Variants in APOOL observed in about 807,000 individuals in gnomAD.
APOOL encodes the protein MICOS complex subunit MIC27.
APOOL carries 12 observed loss-of-function variants against 23.1 expected under a neutral mutation model. That is an observed-to-expected ratio of 0.52 (90% CI 0.33 to 0.84). APOOL has a LOEUF of 0.84. Ranked by LOEUF, APOOL falls within the 40% of genes least tolerant of loss-of-function variation. APOOL has a pLI of 0.02. For missense variants in APOOL, 212 were observed against 199.6 expected, an observed-to-expected ratio of 1.06 and a Z score of -0.37; for synonymous variants, 77 against 69.9, an observed-to-expected ratio of 1.10 and a Z score of -0.51.
intron 1 of APOOL, among the ~76,000 whole-genome samples, chrX:85,032,632 C>A (rs1026893281): frequency 1.8e-5 from 2 of 110,910 alleles, no homozygotes; most frequent in African/African-American, 6.6e-5. Flanking sequence ...AATTTTGATA[C>A]TTTCAAATAT....
intron 8 of APOOL, among the ~76,000 whole-genome samples, chrX:85,083,713 A>T (rs903725427): frequency 8.9e-6 from 1 of 111,905 alleles, no homozygotes; most frequent in East Asian, 2.8e-4. Context: ...TCCTAACTTC[A>T]CTCAGCAATT....
intron 5 of APOOL, among the ~76,000 whole-genome samples, chrX:85,061,022 A>G (rs750429052): frequency 1.8e-5 from 2 of 111,474 alleles, no homozygotes; most frequent in South Asian, 3.8e-4. Flanking sequence ...TGGGTTTGTC[A>G]TAGATAGCTC....
At chrX:85,087,224 A>T (rs137885619) in intron 8 of APOOL, among the ~76,000 whole-genome samples, 5 of 110,676 alleles carry the variant, frequency 4.5e-5, no homozygotes, top group African/African-American at 1.6e-4. Context: ...GACATACCTC[A>T]GGTCCATTAC....
At chrX:85,031,655 C>T (rs1403349045) in intron 1 of APOOL, among the ~76,000 whole-genome samples, 2 of 110,491 alleles carry the variant, frequency 1.8e-5, no homozygotes, top group African/African-American at 3.3e-5. Context: ...CTGTTAGGTA[C>T]AGGAGAGGAG....
chrX:85,004,802 T>TCCC (rs1046027023), intron 1 of APOOL, among the ~76,000 whole-genome samples: 7 of 110,609 alleles, frequency 6.3e-5, no homozygotes, highest in Non-Finnish European at 9.5e-5. Flanking sequence ...GATTTTTGCC[T>TCCC]CCCCCCGCAT....
chrX:85,061,914 TC>T lies in APOOL; in HGVS notation c.395-5212del, dbSNP rs1299877692. Reference sequence around the variant, plus strand: ...CTCTGATCTTAGTTATTTCGTGCCTTCTGCTAGCTTTTGAATGTGTTTGCTC... The same window carrying T: ...CTCTGATCTTAGTTATTTCGTGCCTTTGCTAGCTTTTGAATGTGTTTGCTC... On this transcript the variant is annotated intron_variant, in intron 5 of 8. Coordinates refer to ENST00000373173, the MANE Select transcript of APOOL (RefSeq NM_198450.6). Among the ~76,000 whole-genome samples the T allele has an allele frequency of 2.7e-5, 3 of 111,409 alleles. No homozygotes were observed. The East Asian group carries it at 8.5e-4, about 31-fold the overall frequency.
At chrX:85,083,055 A>C (rs1286938125) in intron 8 of APOOL, among the ~76,000 whole-genome samples, 2 of 111,284 alleles carry the variant, frequency 1.8e-5, no homozygotes, top group Non-Finnish European at 3.8e-5. Flanking sequence ...AACGCAGCCC[A>C]GACCCAGCTC....
chrX:85,048,211 T>C (rs1922641138), intron 2 of APOOL, among the ~76,000 whole-genome samples: 1 of 111,316 alleles, frequency 9.0e-6, no homozygotes, highest in Non-Finnish European at 1.9e-5. Context: ...ACTGTTCTAA[T>C]TACTAGATAA....
intron 8 of APOOL, among the ~76,000 whole-genome samples, chrX:85,082,976 T>C (rs1457120331): frequency 9.0e-6 from 1 of 111,491 alleles, no homozygotes; most frequent in Non-Finnish European, 1.9e-5. Context: ...AGTCTGTCAG[T>C]CAGAAGCTTG....
At chrX:85,064,546 T>G (rs898969818) in intron 5 of APOOL, among the ~76,000 whole-genome samples, 1 of 110,823 alleles carries the variant, frequency 9.0e-6, no homozygotes, top group African/African-American at 3.3e-5. Context: ...TTAACGCCAC[T>G]TTAGCTGTGT....
At chrX:85,061,615 T>A (rs1923226300) in intron 5 of APOOL, among the ~76,000 whole-genome samples, 1 of 111,703 alleles carries the variant, frequency 9.0e-6, no homozygotes, top group Non-Finnish European at 1.9e-5. Context: ...CTTGGGAAGA[T>A]GTATGGGTCG....
intron 5 of APOOL, among the ~76,000 whole-genome samples, chrX:85,065,081 A>G (rs1209716058): frequency 9.0e-6 from 1 of 111,644 alleles, no homozygotes; most frequent in African/African-American, 3.3e-5. Flanking sequence ...GTACATATAT[A>G]TTTAGGATAG....
intron 5 of APOOL, among the ~76,000 whole-genome samples, chrX:85,060,152 T>C (rs1253123805): frequency 1.8e-5 from 2 of 108,153 alleles, no homozygotes; most frequent in Admixed American, 1.0e-4. Context: ...CCCCATTGCT[T>C]GTTTTTCTCA....
intron 5 of APOOL, among the ~76,000 whole-genome samples, chrX:85,057,496 A>T (rs753153931): frequency 9.5e-6 from 1 of 105,601 alleles, no homozygotes; most frequent in South Asian, 4.0e-4. Flanking sequence ...TATAATATAG[A>T]TATATAACAT....
Position 85,016,412 on chromosome X carries a change from C to T in APOOL, c.15+12485C>T, listed in dbSNP as rs142588111. Among the ~76,000 whole-genome samples the T allele has an allele frequency of 9.7e-4, 107 of 110,043 alleles. 1 individual carries two copies. Among genetic ancestry groups the T allele is most frequent in the African/African-American group, 3.2e-3 (98 of 30,247 alleles). On this transcript the variant is annotated intron_variant, in intron 1 of 8. Transcript: ENST00000373173. The stretch of plus-strand genomic sequence containing the variant: ...GCCAGGTCAGCAGGAAAGTTATTCA[C>T]GTCATAGCCTCACTCCTGTCTTTGT...
In APOOL at chrX:85,074,011, A is replaced by T. The variant is rs1176302722; in HGVS notation, c.500A>T (p.Lys167Met). The T allele has an allele frequency of 8.7e-7, 1 of 1,150,221 alleles. No individual in the cohort carries two copies. The allele number at this position is 1,150,221 out of a possible 1,213,427, so 94.8% of individuals were successfully genotyped here. A position where few individuals can be genotyped will look rare whatever the true frequency, so the allele number is the denominator to read the frequency against. Reference sequence around the variant, plus strand: ...TGTTTTAATTAGGTAACAGCAAAAAAGGTATATGCTACAAGCCAGCAAATT... The same window carrying T: ...TGTTTTAATTAGGTAACAGCAAAAATGGTATATGCTACAAGCCAGCAAATT... ...SVIIAKVTAK[K>M]VYATSQQIFG... Residue 167 changes from lysine (K) to methionine (M), a missense_variant, in exon 7 of 9, where the codon AAG becomes ATG. Coordinates refer to ENST00000373173, the MANE Select transcript of APOOL (RefSeq NM_198450.6).
At chrX:85,071,717 A>G (rs1483077060) in intron 6 of APOOL, among the ~76,000 whole-genome samples, 1 of 112,072 alleles carries the variant, frequency 8.9e-6, no homozygotes, top group Non-Finnish European at 1.9e-5. Context: ...ATTACAATAT[A>G]CCATACACAA....
chrX:85,069,917 C>A (rs893383097), intron 6 of APOOL, among the ~76,000 whole-genome samples: 1 of 111,362 alleles, frequency 9.0e-6, no homozygotes, highest in Non-Finnish European at 1.9e-5. Context: ...TGAGTCTTTA[C>A]GAAGCATTTA....
rs1191956118 is a variant in APOOL at position 85,091,502 on chromosome X, A to G, written c.*3824A>G. ...GGATATCACTGAATAATTTTTGTGT[A>G]GTTTCTATGCCCATGAAGTGCCTGG... On this transcript the variant is annotated 3_prime_UTR_variant, in exon 9 of 9. Coordinates refer to ENST00000373173, the MANE Select transcript of APOOL (RefSeq NM_198450.6). 1 of 112,234 alleles carries G rather than the reference A, an allele frequency of 8.9e-6. No individual in the cohort carries two copies. The allele number at this position is 112,234 out of a possible 1,213,427, so 9.2% of individuals were successfully genotyped here. A position where few individuals can be genotyped will look rare whatever the true frequency, so the allele number is the denominator to read the frequency against.
Sources: gnomAD v4.1 joint callset for allele counts (sites outside exome capture counted in the v4.1 genomes callset) on GRCh38, gnomAD v4.1.1 for gene constraint, MANE v1.5 for transcripts, NCBI Gene and HGNC (gene_info 2026-07-23, HGNC 2026-07-21) for gene names.